GRIK4: variants seen among roughly 807,000 people sequenced by gnomAD.
The protein encoded by GRIK4 is glutamate receptor ionotropic, kainate 4.
In GRIK4, 40 loss-of-function variants were observed where a neutral mutation model predicts 104.9. The ratio of observed to expected loss-of-function variants is 0.38; its 90% confidence interval spans 0.30 to 0.50. The LOEUF (loss-of-function observed/expected upper bound fraction) is 0.50, where lower values mean the gene tolerates loss of function less well. Ranked by LOEUF, GRIK4 falls within the 20% of genes least tolerant of loss-of-function variation. The pLI, the probability that GRIK4 is intolerant of heterozygous loss-of-function variation, is 0.93. For synonymous variants in GRIK4, 485 were observed against 524.9 expected, an observed-to-expected ratio of 0.92 and a Z score of 1.04; for missense variants, 1,047 against 1,308.1, an observed-to-expected ratio of 0.80 and a Z score of 3.08.
At chr11:120,528,004 C>T (rs1947877701) in intron 1 of GRIK4, among the ~76,000 whole-genome samples, 1 of 152,208 alleles carries the variant, frequency 6.6e-6, no homozygotes, top group South Asian at 2.1e-4. Context: ...GAGACAGGGT[C>T]TCACTCTATT....
chr11:120,539,185 G>A (rs915385375), intron 1 of GRIK4, among the ~76,000 whole-genome samples: 3 of 152,190 alleles, frequency 2.0e-5, no homozygotes, highest in African/African-American at 4.8e-5. Flanking sequence ...GGAGAGGACA[G>A]CCTCTTTGGT....
intron 1 of GRIK4, among the ~76,000 whole-genome samples, chr11:120,585,434 C>A (rs1809843179): frequency 6.6e-6 from 1 of 151,916 alleles, no homozygotes; most frequent in South Asian, 2.1e-4. Context: ...ACTGCAACCT[C>A]TGCCTCCTGG....
At chr11:120,520,495 A>C (rs553273319) in intron 1 of GRIK4, among the ~76,000 whole-genome samples, 1 of 152,194 alleles carries the variant, frequency 6.6e-6, no homozygotes, top group Non-Finnish European at 1.5e-5. Context: ...GTGTGGAGGC[A>C]GGAAGAAGGC....
rs1591948507 is a variant in GRIK4, at chr11:120,815,430, C to T, written c.300C>T (p.Ser100=). ...TCGCTGTCCTCGGACCATCGTCCAGCCCAGCCTCCAGCTCCATCATCAGCA... is the reference window on the plus strand; with the variant it reads ...TCGCTGTCCTCGGACCATCGTCCAGTCCAGCCTCCAGCTCCATCATCAGCA... ...GVVAVLGPSS[S]PASSSIISNI... is the part of the protein sequence containing the mutation. Residue 100 remains serine, a synonymous_variant, in exon 5 of 21, where the codon AGC becomes AGT. Coordinates refer to ENST00000527524, the MANE Select transcript of GRIK4 (RefSeq NM_014619.5). 1 of 1,552,644 alleles carries T rather than the reference C, an allele frequency of 6.4e-7. No individual in the cohort carries two copies. Among genetic ancestry groups the T allele is most frequent in the Non-Finnish European group, 8.7e-7 (1 of 1,147,286 alleles).
intron 9 of GRIK4, chr11:120,862,397 A>G (rs1954287166): frequency 9.4e-6 from 3 of 320,336 alleles, no homozygotes; most frequent in Non-Finnish European, 5.7e-6. Context: ...CAATAATACA[A>G]TTGCCGAGAG....
intron 14 of GRIK4, among the ~76,000 whole-genome samples, chr11:120,946,182 T>A (rs1050488805): frequency 3.3e-5 from 5 of 152,248 alleles, no homozygotes; most frequent in Non-Finnish European, 7.3e-5. Context: ...TGTAGTTTTC[T>A]GTCTCTTTTT....
At chr11:120,958,491 C>G (rs1944216924) in intron 16 of GRIK4, among the ~76,000 whole-genome samples, 1 of 152,244 alleles carries the variant, frequency 6.6e-6, no homozygotes, top group African/African-American at 2.4e-5. Flanking sequence ...TTGGTCCGTT[C>G]CATGGAGGAG....
intron 1 of GRIK4, among the ~76,000 whole-genome samples, chr11:120,623,353 G>T (rs760922968): frequency 6.6e-6 from 1 of 151,736 alleles, no homozygotes; most frequent in African/African-American, 2.4e-5. Context: ...GGCTGGTCTT[G>T]GCCTCCTGGG....
At chr11:120,544,683 C>A (rs879607939) in intron 1 of GRIK4, among the ~76,000 whole-genome samples, 2 of 152,134 alleles carry the variant, frequency 1.3e-5, no homozygotes, top group Non-Finnish European at 2.9e-5. Flanking sequence ...CCCTCCACCC[C>A]CTACCTTGTG....
At position 120,695,982 on chromosome 11, in the gene GRIK4, C is replaced by A. The variant is rs571589947; in HGVS notation, c.82+35582C>A. On this transcript the variant is annotated intron_variant, in intron 3 of 20. Transcript: ENST00000527524. ...GCTCTCACATGCCTCCTCCCAGGGG[C>A]CTCGTGACCTTCTCTTCCTAGGAGA... Among the ~76,000 whole-genome samples the A allele has an allele frequency of 4.4e-3, 672 of 152,250 alleles. 7 individuals are homozygous for A. Among genetic ancestry groups the A allele is most frequent in the African/African-American group, 0.015 (643 of 41,544 alleles).
intron 3 of GRIK4, among the ~76,000 whole-genome samples, chr11:120,735,848 T>A (rs1432463127): frequency 6.6e-6 from 1 of 152,150 alleles, no homozygotes; most frequent in African/African-American, 2.4e-5. Context: ...GCCAGACCAC[T>A]GCTAATGTTC....
chr11:120,532,841 T>G (rs1317387953), intron 1 of GRIK4, among the ~76,000 whole-genome samples: 1 of 152,048 alleles, frequency 6.6e-6, no homozygotes, highest in Non-Finnish European at 1.5e-5. Context: ...GGGCTTCTCC[T>G]TGGAAGGGAG....
At chr11:120,650,008 G>C (rs1251013539) in intron 1 of GRIK4, among the ~76,000 whole-genome samples, 6 of 152,178 alleles carry the variant, frequency 3.9e-5, no homozygotes, top group Non-Finnish European at 5.9e-5. Context: ...CAGCCTGGTG[G>C]CCTCAGATAA....
At chr11:120,883,265 G>C (rs1021374659) in intron 11 of GRIK4, among the ~76,000 whole-genome samples, 2 of 152,178 alleles carry the variant, frequency 1.3e-5, no homozygotes, top group Non-Finnish European at 2.9e-5. Context: ...CAGAGCCCTG[G>C]GGACCTGAGG....
At position 120,660,356 on chromosome 11, in the gene GRIK4, C is replaced by T. The variant is rs370031223; in HGVS notation, c.38C>T (p.Ala13Val). ...RVSAPLVLLPAWLVMVACSPH... is the reference protein window; with the variant it reads ...RVSAPLVLLPVWLVMVACSPH... ...TCGGCGCCTTTGGTGCTGCTTCCTG[C>T]GTGGCTCGTGATGGTCGCCTGCAGC... The change falls in exon 3 of 21, where the codon GCG becomes GTG. Residue 13 changes from alanine to valine, a missense_variant. Coordinates refer to ENST00000527524, the MANE Select transcript of GRIK4 (RefSeq NM_014619.5). 8.1e-6 allele frequency: 13 copies of T among 1,613,234 alleles called. No individual in the cohort carries two copies. The highest frequency in any genetic ancestry group is 3.3e-5 in the Admixed American group (2 of 60,000).
At position 120,967,311 on chromosome 11, in the gene GRIK4, C is replaced by G; in HGVS notation, c.2383C>G (p.His795Asp). The G allele has an allele frequency of 6.2e-7, 1 of 1,613,218 alleles. No individual in the cohort carries two copies. The highest frequency in any genetic ancestry group is 8.5e-7 in the Non-Finnish European group (1 of 1,179,528). Residue 795 changes from histidine to aspartate, a missense_variant, in exon 19 of 21, where the codon CAC (histidine) becomes GAC (aspartate). Around this residue, in one of 3 missense-constraint regions of GRIK4, gnomAD observed 440 missense variants for 652.3 expected, o/e 0.67. Coordinates refer to ENST00000527524, the MANE Select transcript of GRIK4 (RefSeq NM_014619.5). This position sits in a 1 kb window ranked among gnomAD's most constrained non-coding sequence, Gnocchi z 4.2. ...EGGKCPKEED[H>D]RAKGLGMENI... ...AGGGAAGTGCCCCAAGGAGGAAGATCACAGAGCTAAAGGTAAGGACGTTCA... is the reference window on the plus strand; with the variant it reads ...AGGGAAGTGCCCCAAGGAGGAAGATGACAGAGCTAAAGGTAAGGACGTTCA...
intron 1 of GRIK4, among the ~76,000 whole-genome samples, chr11:120,634,669 T>A (rs961071906): frequency 6.6e-6 from 1 of 152,110 alleles, no homozygotes; most frequent in African/African-American, 2.4e-5. Flanking sequence ...GAAACCCCAG[T>A]GATCTGGAGA....
At chr11:120,893,796 T>G (rs74483039) in intron 11 of GRIK4, among the ~76,000 whole-genome samples, 34 of 152,146 alleles carry the variant, frequency 2.2e-4, no homozygotes, top group African/African-American at 8.2e-4. Flanking sequence ...TCTTTTTTTT[T>G]CCCCCCAGGA....
At chr11:120,626,511 C>T (rs182965144) in intron 1 of GRIK4, among the ~76,000 whole-genome samples, 71 of 152,200 alleles carry the variant, frequency 4.7e-4, no homozygotes, top group East Asian at 2.7e-3. Context: ...GTCTCAAAGC[C>T]GCACAGGGTG....
Sources: allele counts gnomAD v4.1 joint callset (sites outside exome capture counted in the v4.1 genomes callset), GRCh38; gene constraint gnomAD v4.1.1; regional missense constraint gnomAD v4.1.1; non-coding constraint Gnocchi (gnomAD v3.1); transcripts MANE v1.5; gene names NCBI Gene and HGNC (gene_info 2026-07-23, HGNC 2026-07-21).